Variants in FAM114A2 observed in about 807,000 individuals in gnomAD.
FAM114A2 encodes the protein family with sequence similarity 114 member A2.
FAM114A2 carries 53 observed loss-of-function variants against 58.4 expected under a neutral mutation model. The observed-to-expected ratio is 0.91, with a 90% confidence interval of 0.73 to 1.14. The LOEUF (loss-of-function observed/expected upper bound fraction) is 1.14, where lower values mean the gene tolerates loss of function less well. FAM114A2 is among the 50% of genes most tolerant of loss of function. The pLI is 0.00. For synonymous variants in FAM114A2, 228 were observed against 211.4 expected (o/e 1.08, Z -0.68); for missense variants, 601 against 581.1 (o/e 1.03, Z -0.35).
rs1770079921 is a variant in FAM114A2 at position 154,002,832 on chromosome 5, A to T, written c.1116+15T>A. The T allele has an allele frequency of 6.2e-7, 1 of 1,613,688 alleles. No individual in the cohort carries two copies. The highest frequency in any genetic ancestry group is 1.7e-5 in the Admixed American group (1 of 59,974). On this transcript the variant is annotated intron_variant, in intron 10 of 13. Transcript: ENST00000351797. ...CTACTAAAACAAACAAAAAAGGCTT[A>T]GTTGCTTTGGCTACCTCTATTGAAT...
intron 8 of FAM114A2, among the ~76,000 whole-genome samples, chr5:154,018,248 A>C (rs1427023642): frequency 6.6e-6 from 1 of 152,218 alleles, no homozygotes; most frequent in East Asian, 1.9e-4. Flanking sequence ...ACATCACAGA[A>C]ATACAAAAGA....
At chr5:153,995,891 A>C (rs1769525502) in intron 12 of FAM114A2, among the ~76,000 whole-genome samples, 1 of 152,208 alleles carries the variant, frequency 6.6e-6, no homozygotes, top group African/African-American at 2.4e-5. Flanking sequence ...TAGTCTAAGT[A>C]CAGAGTTGCT....
chr5:154,006,689 TA>T (rs1294844553), intron 9 of FAM114A2, among the ~76,000 whole-genome samples: 1 of 150,574 alleles, frequency 6.6e-6, no homozygotes, highest in Admixed American at 6.6e-5. Context: ...ACAAATTGAG[TA>T]AAAAAATGAA....
rs764359637 is a variant in FAM114A2 at position 153,994,954 on chromosome 5, C to T, written c.1348G>A (p.Val450Ile). Reference sequence around the variant, plus strand: ...ACTGCAGTGATTAATGGGTTAAGGACATCTGCCATTTCTTTGACCTGGAAT... The same window carrying T: ...ACTGCAGTGATTAATGGGTTAAGGATATCTGCCATTTCTTTGACCTGGAAT... ...TTAGVKEMAD[V>I]LNPLITAVFL... The change falls in exon 13 of 14, where the codon GTC becomes ATC. Residue 450 changes from valine (V) to isoleucine (I), a missense_variant. Physicochemically the swap from Val to Ile is conservative, Grantham distance 29. Transcript: ENST00000351797. 4 of 1,609,768 alleles carry T rather than the reference C, an allele frequency of 2.5e-6. No homozygotes were observed. Among genetic ancestry groups the T allele is most frequent in the East Asian group, 2.2e-5 (1 of 44,746 alleles).
intron 4 of FAM114A2, among the ~76,000 whole-genome samples, chr5:154,031,431 G>C (rs1581836678): frequency 6.7e-6 from 1 of 148,222 alleles, no homozygotes; most frequent in Admixed American, 6.8e-5. Context: ...ATCCCTAATA[G>C]ATGATCAATG....
intron 1 of FAM114A2, among the ~76,000 whole-genome samples, chr5:154,035,244 G>C (rs543480049): frequency 6.6e-6 from 1 of 151,986 alleles, no homozygotes; most frequent in Non-Finnish European, 1.5e-5. Context: ...AAATTTTATC[G>C]CATGTATACC....
intron 5 of FAM114A2, among the ~76,000 whole-genome samples, chr5:154,028,867 G>A (rs1301304130): frequency 6.6e-6 from 1 of 152,166 alleles, no homozygotes; most frequent in Non-Finnish European, 1.5e-5. Flanking sequence ...GAGAGCAGAA[G>A]ACACAGAAAA....
At chr5:154,036,797 G>T (rs750724362) in intron 1 of FAM114A2, 1 of 152,172 alleles carries the variant, frequency 6.6e-6, no homozygotes, top group Admixed American at 6.5e-5. Flanking sequence ...TTTTTATTTG[G>T]CCTGCACAGT....
At chr5:154,019,067 G>C (rs527848995) in intron 8 of FAM114A2, among the ~76,000 whole-genome samples, 18 of 152,228 alleles carry the variant, frequency 1.2e-4, no homozygotes, top group African/African-American at 4.3e-4. Flanking sequence ...AGAGCAATCA[G>C]AGAAAGAAAT....
intron 3 of FAM114A2, 100 bp downstream of exon 3, chr5:154,034,177 TA>T (rs746766258): frequency 1.3e-6 from 1 of 750,216 alleles, no homozygotes; most frequent in Non-Finnish European, 2.2e-6. Flanking sequence ...AGCCTTTGAG[TA>T]AACATGGAAG....
chr5:154,021,811 T>C (rs2113405651), intron 8 of FAM114A2, among the ~76,000 whole-genome samples: 1 of 152,232 alleles, frequency 6.6e-6, no homozygotes, highest in South Asian at 2.1e-4. Context: ...AAAGTTCATA[T>C]GGAACCAAAA....
intron 12 of FAM114A2, among the ~76,000 whole-genome samples, chr5:153,996,527 G>A (rs562470732): frequency 2.0e-5 from 3 of 149,518 alleles, no homozygotes; most frequent in African/African-American, 7.4e-5. Context: ...GGAGAAATAC[G>A]TTCCCATCAA....
chr5:154,026,243 T>G, intron 8 of FAM114A2, 156 bp downstream of exon 8: 1 of 475,334 alleles, frequency 2.1e-6, no homozygotes, highest in Non-Finnish European at 3.4e-6. Flanking sequence ...GGTGCAAGGC[T>G]GCAGAGAATT....
Position 153,990,332 on chromosome 5 carries a change from A to C in FAM114A2, c.*2644T>G, listed in dbSNP as rs1257876123. On this transcript the variant is annotated 3_prime_UTR_variant, in exon 14 of 14. Transcript: ENST00000351797. ...CTTTCACTAAAAACAAGTACAAAAG[A>C]AAGCATCCTTTTTCAGCAGTAGGAA... 1 of 152,124 alleles carries C rather than the reference A, an allele frequency of 6.6e-6. No homozygotes were observed. Among genetic ancestry groups the C allele is most frequent in the Non-Finnish European group, 1.5e-5 (1 of 68,010 alleles). The allele number at this position is 152,124 out of a possible 1,614,324, so 9.4% of individuals were successfully genotyped here.
At chr5:154,008,183 T>C (rs1770469359) in intron 9 of FAM114A2, among the ~76,000 whole-genome samples, 1 of 152,142 alleles carries the variant, frequency 6.6e-6, no homozygotes, top group Admixed American at 6.5e-5. Context: ...TCTGCTTATC[T>C]TTACAAAAAG....
intron 6 of FAM114A2, 80 bp from the exon 7 acceptor site, chr5:154,027,414 CT>C: frequency 7.9e-7 from 1 of 1,272,924 alleles, no homozygotes; most frequent in Non-Finnish European, 1.1e-6. Flanking sequence ...GGAAGCAAAG[CT>C]TAGACAGGTT....
At chr5:153,997,080 C>T (rs986635751) in intron 12 of FAM114A2, among the ~76,000 whole-genome samples, 2 of 150,728 alleles carry the variant, frequency 1.3e-5, no homozygotes, top group Non-Finnish European at 3.0e-5. Context: ...TATTTCATAC[C>T]CACTAGGATG....
At chr5:153,998,785 C>T (rs1769759317) in intron 11 of FAM114A2, among the ~76,000 whole-genome samples, 1 of 152,084 alleles carries the variant, frequency 6.6e-6, no homozygotes, top group African/African-American at 2.4e-5. Flanking sequence ...GTAAATTACC[C>T]AGCCTCAGAT....
intron 6 of FAM114A2, 115 bp from the exon 7 acceptor site, chr5:154,027,449 A>C: frequency 2.6e-6 from 2 of 756,868 alleles, no homozygotes; most frequent in Admixed American, 3.5e-5. Context: ...TTGCCCTTTC[A>C]TTCTTGGCAC....
Sources: allele counts gnomAD v4.1 joint callset (sites outside exome capture counted in the v4.1 genomes callset), GRCh38; gene constraint gnomAD v4.1.1; transcripts MANE v1.5; gene names NCBI Gene and HGNC (gene_info 2026-07-23, HGNC 2026-07-21).